Variants in BRAF observed in about 807,000 individuals in gnomAD.
The protein encoded by BRAF is serine/threonine-protein kinase B-raf.
A neutral mutation model predicts 104.6 loss-of-function variants in BRAF; 16 were observed. The observed-to-expected ratio is 0.15, with a 90% confidence interval of 0.10 to 0.23. The LOEUF is 0.23. BRAF is among the 10% of genes least tolerant of loss of function. The pLI is 1.00. For missense variants in BRAF, 541 were observed against 937.3 expected, an observed-to-expected ratio of 0.58 and a Z score of 5.52; for synonymous variants, 310 against 341.6, an observed-to-expected ratio of 0.91 and a Z score of 1.02.
rs1181501362 is a variant in BRAF at position 140,924,706 on chromosome 7, T to C, written c.-3A>G. 1 of 995,652 alleles carries C rather than the reference T, an allele frequency of 1.0e-6. No homozygotes were observed. Among genetic ancestry groups the C allele is most frequent in the South Asian group, 1.4e-5 (1 of 71,060 alleles). The allele number at this position is 995,652 out of a possible 1,614,324, so 61.7% of individuals were successfully genotyped here. On this transcript the variant is annotated 5_prime_UTR_variant, in exon 1 of 20. It adds an upstream start codon to the 5' untranslated region. Transcript: ENST00000644969. The surrounding 1 kb of genome is among the most constrained non-coding windows in gnomAD (Gnocchi z 4.2). ...CCGCCACCGCTCAGCGCCGCCATCT[T>C]ATAACCGAGAGCCGGGGCCCGAGCG...
chr7:140,914,821 T>C (rs1194166099), intron 1 of BRAF, among the ~76,000 whole-genome samples: 1 of 151,650 alleles, frequency 6.6e-6, no homozygotes, highest in African/African-American at 2.4e-5. Context: ...GGACGGATCA[T>C]GAGGTCAGGA....
Position 140,781,677 on chromosome 7 carries a change from C to T in BRAF, c.1451G>A (p.Arg484Gln), listed in dbSNP as rs1800890866. The T allele has an allele frequency of 3.1e-6, 5 of 1,613,850 alleles. No individual in the cohort carries two copies. The highest frequency in any genetic ancestry group is 3.4e-6 in the Non-Finnish European group (4 of 1,179,890). Residue 484 changes from arginine to glutamine, a missense_variant, in exon 12 of 20, where the codon CGG becomes CAG. This residue lies in a region of BRAF where 109 missense variants were observed against 143.9 expected (regional missense o/e 0.76). Coordinates refer to ENST00000644969, the MANE Select transcript of BRAF (RefSeq NM_001374258.1). Reference sequence around the variant, plus strand: ...AATCTCCCAATCATCACTCGAGTCCCGTCTACCAAGTGTTTTCTTGATAAA... The same window carrying T: ...AATCTCCCAATCATCACTCGAGTCCTGTCTACCAAGTGTTTTCTTGATAAA... ...DRNRMKTLGR[R>Q]DSSDDWEIPD...
chr7:140,791,393 T>A (rs1801954677), intron 8 of BRAF, among the ~76,000 whole-genome samples: 1 of 152,208 alleles, frequency 6.6e-6, no homozygotes, highest in Admixed American at 6.5e-5. Flanking sequence ...AAACCCCTTT[T>A]CTTCCTTTGG....
rs183238174 is a variant in BRAF, at chr7:140,723,216, T to G, written c.*3278A>C. ...GAGGAGGATGTGCAGCAGCTCGCAC[T>G]CCGCCTGGTGAATACAAGGTAACAT... On this transcript the variant is annotated 3_prime_UTR_variant, in exon 20 of 20. Coordinates refer to ENST00000644969, the MANE Select transcript of BRAF (RefSeq NM_001374258.1). The G allele has an allele frequency of 9.5e-7, 1 of 1,054,298 alleles. No individual in the cohort carries two copies. Among genetic ancestry groups the G allele is most frequent in the East Asian group, 5.3e-5 (1 of 18,764 alleles). 65.3% of individuals were successfully genotyped at this position (1,054,298 alleles called of 1,614,324 possible). A position where few individuals can be genotyped will look rare whatever the true frequency, so the allele number is the denominator to read the frequency against.
intron 17 of BRAF, among the ~76,000 whole-genome samples, chr7:140,742,340 C>G (rs993766040): frequency 6.6e-6 from 1 of 151,866 alleles, no homozygotes; most frequent in African/African-American, 2.4e-5. Context: ...TACAGGTGCA[C>G]ACCACCATGC....
intron 10 of BRAF, among the ~76,000 whole-genome samples, chr7:140,783,931 G>C (rs145482521): frequency 2.0e-5 from 3 of 152,312 alleles, no homozygotes; most frequent in African/African-American, 7.2e-5. Context: ...AAGTGAGCCT[G>C]AGGAGTATAC....
chr7:140,809,096 G>A, intron 3 of BRAF, 101 bp from the exon 4 acceptor site: 1 of 855,192 alleles, frequency 1.2e-6, no homozygotes, highest in Non-Finnish European at 1.9e-6. Flanking sequence ...AAGTCAAATG[G>A]GTTACTAGGT....
intron 1 of BRAF, among the ~76,000 whole-genome samples, chr7:140,923,445 C>G (rs1563041389): frequency 6.6e-6 from 1 of 151,868 alleles, no homozygotes; most frequent in African/African-American, 2.4e-5. Flanking sequence ...TGACACAGTG[C>G]TAAGAGGCTG....
At chr7:140,906,031 T>C (rs910875021) in intron 1 of BRAF, among the ~76,000 whole-genome samples, 1 of 120,992 alleles carries the variant, frequency 8.3e-6, no homozygotes, top group African/African-American at 3.4e-5. Context: ...GAGCTTGCAG[T>C]GAGCCGAGAT....
intron 11 of BRAF, 38 bp from the exon 11 acceptor site, chr7:140,781,731 C>T (rs1379615907): frequency 1.3e-6 from 2 of 1,541,626 alleles, no homozygotes; most frequent in Non-Finnish European, 1.8e-6. Context: ...TCAAGCCAAA[C>T]AGAAAAAGAA....
intron 17 of BRAF, chr7:140,747,257 T>C: frequency 2.4e-6 from 1 of 425,376 alleles, no homozygotes; most frequent in Non-Finnish European, 3.4e-6. Context: ...GAGGACATCA[T>C]TCTTTTACCT....
chr7:140,835,885 A>T (rs773286111), intron 2 of BRAF: 22 of 152,244 alleles, frequency 1.4e-4, no homozygotes, highest in Non-Finnish European at 3.2e-4. Context: ...CAAATATTTT[A>T]AAATGGCCTT....
Position 140,721,921 on chromosome 7 carries a change from C to A in BRAF, c.*4573G>T. On this transcript the variant is annotated 3_prime_UTR_variant, in exon 20 of 20. Transcript: ENST00000644969. ...AAGTCCCGGGAAGAAATTTACATTT[C>A]AAACTCTGAAAAATCAGTGTCTAGG... The A allele has an allele frequency of 7.9e-7, 1 of 1,262,520 alleles. No individual in the cohort carries two copies. Among genetic ancestry groups the A allele is most frequent in the Non-Finnish European group, 9.9e-7 (1 of 1,006,430 alleles). 78.2% of individuals were successfully genotyped at this position (1,262,520 alleles called of 1,614,324 possible). A position where few individuals can be genotyped will look rare whatever the true frequency, so the allele number is the denominator to read the frequency against.
intron 19 of BRAF, among the ~76,000 whole-genome samples, chr7:140,729,984 T>C (rs1795844273): frequency 6.6e-6 from 1 of 152,176 alleles, no homozygotes; most frequent in South Asian, 2.1e-4. Flanking sequence ...CAGTCCTTTT[T>C]ATAGTCATAC....
intron 14 of BRAF, among the ~76,000 whole-genome samples, chr7:140,766,225 A>T (rs952262005): frequency 2.0e-5 from 3 of 151,612 alleles, no homozygotes; most frequent in African/African-American, 7.3e-5. Context: ...TCACTCATAG[A>T]TGGGAATTGA....
intron 14 of BRAF, among the ~76,000 whole-genome samples, chr7:140,765,009 G>A (rs1012150910): frequency 1.3e-5 from 2 of 152,176 alleles, no homozygotes; most frequent in Non-Finnish European, 2.9e-5. Context: ...TAAGCCAAAA[G>A]CACAAAGCTG....
At chr7:140,718,762 C>G (rs1310310971), downstream of BRAF, among the ~76,000 whole-genome samples, 1 of 152,112 alleles carries the variant, frequency 6.6e-6, no homozygotes, top group Admixed American at 6.6e-5. Context: ...TGAAGATACT[C>G]TAGGAGTTTT....
intron 1 of BRAF, among the ~76,000 whole-genome samples, chr7:140,885,068 C>A (rs1813403928): frequency 6.6e-6 from 1 of 152,156 alleles, no homozygotes. Flanking sequence ...ATGGCACGAT[C>A]TCAGCTCACT....
chr7:140,719,364 G>T lies in BRAF; in HGVS notation c.*7130C>A. On this transcript the variant is annotated 3_prime_UTR_variant, in exon 20 of 20. Transcript: ENST00000644969. ...CATGCAGTCAATCTTTATTATAGCA[G>T]TATTCGCATATTCACATCAAGTACA... The T allele has an allele frequency of 1.0e-6, 1 of 999,632 alleles. No homozygotes were observed. The highest frequency in any genetic ancestry group is 1.2e-6 in the Non-Finnish European group (1 of 831,310). 61.9% of individuals were successfully genotyped at this position (999,632 alleles called of 1,614,324 possible).
Sources: gnomAD v4.1 joint callset for allele counts (sites outside exome capture counted in the v4.1 genomes callset) on GRCh38, gnomAD v4.1.1 for gene constraint, gnomAD v4.1.1 regional missense constraint, Gnocchi (gnomAD v3.1) non-coding constraint, MANE v1.5 for transcripts, NCBI Gene and HGNC (gene_info 2026-07-23, HGNC 2026-07-21) for gene names.